The following ANKAR variants were observed in gnomAD, a reference collection of about 807,000 sequenced individuals.
ANKAR encodes the protein ankyrin and armadillo repeat containing.
ANKAR carries 136 observed loss-of-function variants against 146.2 expected under a neutral mutation model. That is an observed-to-expected ratio of 0.93 (90% CI 0.81 to 1.07). ANKAR has a LOEUF of 1.07. Among genes scored for constraint, ANKAR ranks in the 50% least tolerant of loss-of-function variants. The pLI, the probability that ANKAR is intolerant of heterozygous loss-of-function variation, is 0.00. For synonymous variants in ANKAR, 500 were observed against 575.8 expected (o/e 0.87, Z 1.88); for missense variants, 1,567 against 1,679.9 (o/e 0.93, Z 1.18).
In ANKAR at chr2:189,696,190, T is replaced by C. The variant is rs758467545; in HGVS notation, c.1529T>C (p.Leu510Ser). The change falls in exon 7 of 23, where the codon TTG (leucine) becomes TCG (serine). Residue 510 changes from leucine to serine, a missense_variant. By Grantham distance (145) the Leu-to-Ser change is moderately radical (BLOSUM62 -2). Coordinates refer to ENST00000684021, the MANE Select transcript of ANKAR (RefSeq NM_001378068.1). ...FGMKSAVERG[L>S]SAVFHTFSRK... Reference sequence around the variant, plus strand: ...ATGAAGTCCGCTGTTGAAAGAGGGTTGTCTGCAGTTTTCCACACATTTAGC... The same window carrying C: ...ATGAAGTCCGCTGTTGAAAGAGGGTCGTCTGCAGTTTTCCACACATTTAGC... 6.2e-7 allele frequency: 1 copy of C among 1,614,098 alleles called. No individual in the cohort carries two copies. Among genetic ancestry groups the C allele is most frequent in the Non-Finnish European group, 8.5e-7 (1 of 1,180,000 alleles).
intron 9 of ANKAR, among the ~76,000 whole-genome samples, chr2:189,707,565 A>G (rs6434363): frequency 0.23 from 33,558 of 147,742 alleles, 3,999 homozygotes; most frequent in African/African-American, 0.29. Flanking sequence ...ATCTTTTGTT[A>G]TATTTTGATG....
At chr2:189,716,571 C>G (rs2040485835) in intron 10 of ANKAR, among the ~76,000 whole-genome samples, 1 of 152,088 alleles carries the variant, frequency 6.6e-6, no homozygotes, top group African/African-American at 2.4e-5. Flanking sequence ...ACTTTCTTCA[C>G]AGAATTGGTA....
Position 189,746,372 on chromosome 2 carries a change from A to G in ANKAR, c.4058-8A>G. The G allele has an allele frequency of 6.3e-7, 1 of 1,596,624 alleles. No individual in the cohort carries two copies. Among genetic ancestry groups the G allele is most frequent in the Non-Finnish European group, 8.5e-7 (1 of 1,174,668 alleles). On this transcript the variant is annotated splice_region_variant and splice_polypyrimidine_tract_variant and intron_variant, in intron 22 of 22. Transcript: ENST00000684021. ...CAGGAGAGACATTTAATTGTGGCTA[A>G]TTTTTAGGGAAGGAGCACCGAAGAA...
At chr2:189,716,108 G>A (rs2040426184) in intron 10 of ANKAR, among the ~76,000 whole-genome samples, 1 of 152,168 alleles carries the variant, frequency 6.6e-6, no homozygotes, top group African/African-American at 2.4e-5. Flanking sequence ...GCAAGAGAAA[G>A]AAATAAAGGG....
intron 12 of ANKAR, 32 bp from the exon 13 acceptor site, chr2:189,727,824 T>C (rs1323478935): frequency 1.9e-6 from 3 of 1,604,418 alleles, no homozygotes; most frequent in African/African-American, 2.7e-5. Context: ...TTTCATAAGG[T>C]TTATTTAACT....
intron 12 of ANKAR, among the ~76,000 whole-genome samples, chr2:189,725,524 T>C (rs1380670548): frequency 1.3e-5 from 2 of 152,136 alleles, no homozygotes. Context: ...TTTTTTACTA[T>C]CTATATCTAT....
At chr2:189,689,488 A>C in intron 2 of ANKAR, 39 bp from the exon 3 acceptor site, 3 of 1,489,594 alleles carry the variant, frequency 2.0e-6, no homozygotes, top group Non-Finnish European at 1.8e-6. Context: ...CCAAATATGA[A>C]ATTTTCACTA....
chr2:189,759,854 G>C (rs146719607), intron 18 of ANKAR, among the ~76,000 whole-genome samples: 6 of 152,156 alleles, frequency 3.9e-5, no homozygotes, highest in African/African-American at 1.4e-4. Flanking sequence ...AAGGTCAGCA[G>C]ATAAACATGT....
At chr2:189,706,562 G>T (rs2038979639) in intron 8 of ANKAR, among the ~76,000 whole-genome samples, 1 of 152,184 alleles carries the variant, frequency 6.6e-6, no homozygotes, top group African/African-American at 2.4e-5. Flanking sequence ...GAAGTAATGG[G>T]TGTAATTAAT....
Position 189,676,452 on chromosome 2 carries a change from G to A in ANKAR, c.-35-4G>A, listed in dbSNP as rs1359805331. 1 of 1,497,260 alleles carries A rather than the reference G, an allele frequency of 6.7e-7. No individual in the cohort carries two copies. Among genetic ancestry groups the A allele is most frequent in the Middle Eastern group, 1.8e-4 (1 of 5,572 alleles). The allele number at this position is 1,497,260 out of a possible 1,614,324, so 92.7% of individuals were successfully genotyped here. Reference sequence around the variant, plus strand: ...GATAATCTTTTCCTTCTTATTCATTGCAGAAGCTTCAAAAAGGACACACTA... The same window carrying A: ...GATAATCTTTTCCTTCTTATTCATTACAGAAGCTTCAAAAAGGACACACTA... On this transcript the variant is annotated splice_polypyrimidine_tract_variant and splice_region_variant and intron_variant, in intron 1 of 22. Transcript: ENST00000684021.
chr2:189,761,597 G>C (rs1273704994), downstream of ANKAR: 1 of 1,607,000 alleles, frequency 6.2e-7, no homozygotes, highest in African/African-American at 1.3e-5. Context: ...TTTCCTTTTT[G>C]ATGGTTTAAA....
At chr2:189,683,285 G>C (rs4667300) in intron 2 of ANKAR, among the ~76,000 whole-genome samples, 16 of 152,350 alleles carry the variant, frequency 1.1e-4, no homozygotes, top group African/African-American at 3.4e-4. Context: ...AAGTGTATCC[G>C]CTGGCTGCTG....
chr2:189,737,102 A>C (rs2042931442), intron 17 of ANKAR, among the ~76,000 whole-genome samples: 1 of 128,018 alleles, frequency 7.8e-6, no homozygotes, highest in South Asian at 2.8e-4. Flanking sequence ...AAAAAAAAAG[A>C]AAAGAAAATT....
intron 10 of ANKAR, among the ~76,000 whole-genome samples, chr2:189,713,775 A>C (rs1429549858): frequency 6.6e-6 from 1 of 152,238 alleles, no homozygotes. Context: ...TTAACTTTAA[A>C]TGTAAATGGG....
chr2:189,735,276 G>A (rs2042746601), intron 17 of ANKAR, among the ~76,000 whole-genome samples: 1 of 152,116 alleles, frequency 6.6e-6, no homozygotes, highest in Non-Finnish European at 1.5e-5. Flanking sequence ...TTATTCTTGT[G>A]CATCAGTTCT....
chr2:189,681,685 T>A (rs1222278512), intron 2 of ANKAR, among the ~76,000 whole-genome samples: 1 of 152,220 alleles, frequency 6.6e-6, no homozygotes, highest in Non-Finnish European at 1.5e-5. Context: ...ACCTCCTGCT[T>A]GTCATATTTA....
intron 12 of ANKAR, among the ~76,000 whole-genome samples, chr2:189,726,474 A>T (rs1264691953): frequency 6.6e-6 from 1 of 152,138 alleles, no homozygotes; most frequent in Non-Finnish European, 1.5e-5. Flanking sequence ...AATATTCTGG[A>T]TGGAGGTGCA....
chr2:189,719,865 T>A, intron 11 of ANKAR, 52 bp downstream of exon 11: 1 of 1,482,656 alleles, frequency 6.7e-7, no homozygotes, highest in African/African-American at 1.4e-5. Flanking sequence ...CTCCCTCATA[T>A]AGAAGTTACA....
At chr2:189,710,090 GTC>G (rs1574527354) in intron 9 of ANKAR, among the ~76,000 whole-genome samples, 1 of 152,158 alleles carries the variant, frequency 6.6e-6, no homozygotes, top group Admixed American at 6.5e-5. Context: ...TTTATTAGAG[GTC>G]TCAGGATTAG....
Sources: gnomAD v4.1 joint callset for allele counts (sites outside exome capture counted in the v4.1 genomes callset) on GRCh38, gnomAD v4.1.1 for gene constraint, MANE v1.5 for transcripts, NCBI Gene and HGNC (gene_info 2026-07-23, HGNC 2026-07-21) for gene names.